INO80: variants seen among roughly 807,000 people sequenced by gnomAD.
INO80 encodes the protein INO80 complex ATPase subunit, also known as chromatin-remodeling ATPase INO80.
INO80 carries 20 observed loss-of-function variants against 203.4 expected under a neutral mutation model. The observed-to-expected ratio is 0.10, with a 90% CI of 0.07 to 0.14. The LOEUF (loss-of-function observed/expected upper bound fraction) is 0.14. INO80 is among the 10% of genes least tolerant of loss of function. The pLI is 1.00. For synonymous variants in INO80, 726 were observed against 685.2 expected, an observed-to-expected ratio of 1.06 and a Z score of -0.93; for missense variants, 1,419 against 1,914.4, an observed-to-expected ratio of 0.74 and a Z score of 4.83.
chr15:41,007,932 G>A (rs1197391506), intron 27 of INO80, among the ~76,000 whole-genome samples: 1 of 152,206 alleles, frequency 6.6e-6, no homozygotes, highest in Non-Finnish European at 1.5e-5. Flanking sequence ...CCAGCACTGT[G>A]GAAGGTCGAG....
At position 41,079,794 on chromosome 15, in the gene INO80, G is replaced by A; in HGVS notation, c.1038C>T (p.Tyr346=). 1.9e-6 allele frequency: 3 copies of A among 1,614,022 alleles called. No individual in the cohort carries two copies. Among genetic ancestry groups the A allele is most frequent in the Admixed American group, 1.7e-5 (1 of 59,986 alleles). The change falls in exon 9 of 36, where the codon TAC becomes TAT. Residue 346 remains tyrosine, a synonymous_variant. Coordinates refer to ENST00000648947, the MANE Select transcript of INO80 (RefSeq NM_017553.3). ...TCTCTACTTTCTCATATTTCTTCCA[G>A]TACAGAAGCATCTCCTTGGTGAGGC... ...ARRLTKEMLL[Y]WKKYEKVEKE...
chr15:41,070,677 A>C (rs2140591971), intron 12 of INO80, 130 bp from the exon 13 acceptor site: 1 of 701,194 alleles, frequency 1.4e-6, no homozygotes, highest in Admixed American at 2.2e-5. Context: ...CAGCCTCAGC[A>C]CTTTTACCCA....
intron 27 of INO80, chr15:41,013,185 C>T (rs756352225): frequency 6.6e-6 from 1 of 152,160 alleles, no homozygotes; most frequent in Non-Finnish European, 1.5e-5. Context: ...CTTTGATACC[C>T]GCAATGTGAG....
Position 41,116,261 on chromosome 15 carries a change from G to T in INO80, c.-332C>A, listed in dbSNP as rs947883980. ...AGCAGGGACACGGGGAGCCATGGCG[G>T]GGGGGAGGAGAGGCGCCATAGCCAG... On this transcript the variant is annotated 5_prime_UTR_variant, in exon 1 of 36. Transcript: ENST00000648947. 5.8e-5 allele frequency: 23 copies of T among 399,702 alleles called. No homozygotes were observed. The highest frequency in any genetic ancestry group is 7.9e-5 in the Non-Finnish European group (18 of 227,282). The allele number at this position is 399,702 out of a possible 1,614,324, so 24.8% of individuals were successfully genotyped here.
rs775964404 is a variant in INO80 at position 41,069,627 on chromosome 15, A to G, written c.1725T>C (p.Pro575=). The part of the protein sequence containing the change: ...NIWGPFLIIS[P]ASTLNNWHQE... ...GGTGCCAATTGTTAAGTGTAGACGCAGGTGAAATTATTAAGAAAGGTCCCC... is the reference window on the plus strand; with the variant it reads ...GGTGCCAATTGTTAAGTGTAGACGCGGGTGAAATTATTAAGAAAGGTCCCC... The change falls in exon 14 of 36, where the codon CCT becomes CCC. Residue 575 remains proline, a synonymous_variant. Coordinates refer to ENST00000648947, the MANE Select transcript of INO80 (RefSeq NM_017553.3). 12 of 1,610,028 alleles carry G rather than the reference A, an allele frequency of 7.5e-6. No homozygotes were observed. The highest frequency in any genetic ancestry group is 1.0e-5 in the Non-Finnish European group (12 of 1,178,104).
chr15:41,052,313 T>G (rs754399386), intron 19 of INO80, among the ~76,000 whole-genome samples: 6 of 151,956 alleles, frequency 3.9e-5, no homozygotes, highest in Non-Finnish European at 7.4e-5. Flanking sequence ...ATCAAGATTT[T>G]GAGAAAAAAA....
chr15:41,029,135 A>G (rs886388412), intron 24 of INO80, among the ~76,000 whole-genome samples: 15 of 152,278 alleles, frequency 9.9e-5, no homozygotes, highest in African/African-American at 3.4e-4. Flanking sequence ...TCTAATTTAT[A>G]CATTGTTGTA....
chr15:41,020,907 C>T lies in INO80; in HGVS notation c.3267G>A (p.Arg1089=), dbSNP rs1347902457. 4 of 1,608,372 alleles carry T rather than the reference C, an allele frequency of 2.5e-6. No individual in the cohort carries two copies. In the African/African-American group the frequency reaches 5.3e-5, roughly 22 times the overall value. The change falls in exon 26 of 36, where the codon AGG becomes AGA. Residue 1089 remains arginine (R), a synonymous_variant. Transcript: ENST00000648947. The stretch of plus-strand genomic sequence containing the variant: ...AGAGGATTGAGAACTCACCTGGAAT[C>T]CTGATGAAAGACCAGCCATTCTGAG... The part of the protein sequence containing the change: ...IRPQNGWSFI[R]IPGKESLITD...
chr15:41,000,706 CAAAAAAAA>C (rs58232890), intron 28 of INO80, among the ~76,000 whole-genome samples: 15 of 56,812 alleles, frequency 2.6e-4, no homozygotes, highest in African/African-American at 9.1e-4. Context: ...CACCCTGTCT[CAAAAAAAA>C]AAAAAAAAAA....
intron 29 of INO80, among the ~76,000 whole-genome samples, chr15:40,989,422 C>T (rs779954536): frequency 9.2e-5 from 14 of 152,330 alleles, no homozygotes; most frequent in African/African-American, 2.4e-4. Context: ...TCCAACATGG[C>T]GGACCAGTTC....
At chr15:41,007,168 CTTTTTTTTTTTTTCTTTTTTT>C (rs1296647048) in intron 27 of INO80, among the ~76,000 whole-genome samples, 2 of 128,584 alleles carry the variant, frequency 1.6e-5, no homozygotes, top group Non-Finnish European at 3.3e-5. Context: ...CACAGGCACT[CTTTTTTTTTTTTTCTTTTTTT>C]TTTTTTTTTT....
In INO80 at chr15:40,979,438, CTG is replaced by C. The variant is rs1238308458; in HGVS notation, c.*783_*784del. ...GGACTGAAGGGCATGAGCAGGGAGA[CTG>C]TGCATTCAGGATGGGCAAAGGGGAC... On this transcript the variant is annotated 3_prime_UTR_variant, in exon 36 of 36. Coordinates refer to ENST00000648947, the MANE Select transcript of INO80 (RefSeq NM_017553.3). The C allele has an allele frequency of 5.9e-5, 9 of 153,468 alleles. No individual in the cohort carries two copies. Among genetic ancestry groups the C allele is most frequent in the East Asian group, 1.9e-4 (1 of 5,198 alleles). The allele number at this position is 153,468 out of a possible 1,614,324, so 9.5% of individuals were successfully genotyped here.
At chr15:41,075,168 G>A (rs909443961) in intron 9 of INO80, among the ~76,000 whole-genome samples, 2 of 152,168 alleles carry the variant, frequency 1.3e-5, no homozygotes, top group Non-Finnish European at 2.9e-5. Context: ...GTGGCACAGA[G>A]ACAACAACTA....
chr15:41,099,661 A>G (rs1410200125), intron 1 of INO80, among the ~76,000 whole-genome samples: 2 of 151,848 alleles, frequency 1.3e-5, no homozygotes, highest in Non-Finnish European at 2.9e-5. Flanking sequence ...ATGCACCTGT[A>G]AACCCAGCCA....
chr15:41,056,766 A>C (rs1043604614), intron 16 of INO80, 60 bp from the exon 17 acceptor site: 20 of 1,416,802 alleles, frequency 1.4e-5, no homozygotes, highest in Non-Finnish European at 2.0e-5. Context: ...TAATTATCCT[A>C]CTGAGACCCC....
intron 1 of INO80, among the ~76,000 whole-genome samples, chr15:41,113,570 C>T: frequency 6.6e-6 from 1 of 151,954 alleles, no homozygotes; most frequent in East Asian, 1.9e-4. Flanking sequence ...ACCCGGCCAA[C>T]AAACTTTCAT....
At chr15:41,062,731 G>A (rs1439957548) in intron 14 of INO80, among the ~76,000 whole-genome samples, 1 of 152,098 alleles carries the variant, frequency 6.6e-6, no homozygotes, top group Non-Finnish European at 1.5e-5. Flanking sequence ...CCCTCACCCT[G>A]GGCTCTTCTG....
chr15:41,009,721 G>A (rs903318250), intron 27 of INO80, among the ~76,000 whole-genome samples: 2 of 151,634 alleles, frequency 1.3e-5, no homozygotes, highest in Admixed American at 1.3e-4. Context: ...CCAAGTAGTT[G>A]GAACTATAGG....
rs1342099819 is a variant in INO80, at chr15:41,116,129, C to T, written c.-200G>A. Reference sequence around the variant, plus strand: ...GCGTTGGGCGTGGACGCTCCTAGCTCGCTCCCTCCGCGGCTCCTGGGACCC... The same window carrying T: ...GCGTTGGGCGTGGACGCTCCTAGCTTGCTCCCTCCGCGGCTCCTGGGACCC... On this transcript the variant is annotated 5_prime_UTR_variant, in exon 1 of 36. Coordinates refer to ENST00000648947, the MANE Select transcript of INO80 (RefSeq NM_017553.3). 3 of 400,922 alleles carry T rather than the reference C, an allele frequency of 7.5e-6. No individual in the cohort carries two copies. The highest frequency in any genetic ancestry group is 8.8e-5 in the Admixed American group (2 of 22,684). 24.8% of individuals were successfully genotyped at this position (400,922 alleles called of 1,614,324 possible).
Sources: allele counts gnomAD v4.1 joint callset (sites outside exome capture counted in the v4.1 genomes callset), GRCh38; gene constraint gnomAD v4.1.1; transcripts MANE v1.5; gene names NCBI Gene and HGNC (gene_info 2026-07-23, HGNC 2026-07-21).